Variants in KLF10 observed in about 807,000 individuals in gnomAD.
KLF10 encodes Krueppel-like factor 10.
KLF10 carries 17 observed loss-of-function variants against 31.6 expected under a neutral mutation model. The observed-to-expected ratio is 0.54, with a 90% CI of 0.37 to 0.81. The LOEUF (loss-of-function observed/expected upper bound fraction) is 0.81. Ranked by LOEUF, KLF10 falls within the 30% of genes least tolerant of loss-of-function variation. The pLI is 0.00. For missense variants in KLF10, 525 were observed against 598.1 expected, an observed-to-expected ratio of 0.88 and a Z score of 1.27; for synonymous variants, 239 against 215.1, an observed-to-expected ratio of 1.11 and a Z score of -0.97.
Position 102,652,314 on chromosome 8 carries a change from T to C in KLF10, c.120A>G (p.Glu40=). The stretch of plus-strand genomic sequence containing the variant: ...TCATTGACATAAGTGCTTCTACAGC[T>C]TCAAAATCACTTTTCTCTGCAGTTT... The part of the protein sequence containing the change: ...WNKTAEKSDF[E]AVEALMSMSC... The change falls in exon 2 of 4, where the codon GAA becomes GAG. Residue 40 remains glutamate (E), a synonymous_variant. Transcript: ENST00000285407. 1 of 1,613,018 alleles carries C rather than the reference T, an allele frequency of 6.2e-7. No individual in the cohort carries two copies. Among genetic ancestry groups the C allele is most frequent in the Non-Finnish European group, 8.5e-7 (1 of 1,179,238 alleles).
chr8:102,650,881 T>C (rs1827192234), intron 3 of KLF10, among the ~76,000 whole-genome samples: 1 of 152,214 alleles, frequency 6.6e-6, no homozygotes, highest in African/African-American at 2.4e-5. Context: ...TTTTAAATTA[T>C]TTGTAGAGAT....
At position 102,655,667 on chromosome 8, in the gene KLF10, A is replaced by G; in HGVS notation, c.-66T>C. 6.3e-7 allele frequency: 1 copy of G among 1,580,322 alleles called. No individual in the cohort carries two copies. The highest frequency in any genetic ancestry group is 8.6e-7 in the Non-Finnish European group (1 of 1,156,384). Reference sequence around the variant, plus strand: ...TAGGCTGCTGGCTGCTTGGCCACAGACGGGCGCACGGAGACACTCGACGCC... The same window carrying G: ...TAGGCTGCTGGCTGCTTGGCCACAGGCGGGCGCACGGAGACACTCGACGCC... On this transcript the variant is annotated 5_prime_UTR_variant, in exon 1 of 4. Coordinates refer to ENST00000285407, the MANE Select transcript of KLF10 (RefSeq NM_005655.4).
Position 102,655,717 on chromosome 8 carries a change from G to T in KLF10, c.-116C>A. ...CGCTCCCGCCGCCGCCGCGCTCAGC[G>T]CCGTCTGCCCCCTCCCCATTCAGGT... On this transcript the variant is annotated 5_prime_UTR_variant, in exon 1 of 4. Transcript: ENST00000285407. 8.2e-7 allele frequency: 1 copy of T among 1,224,840 alleles called. No homozygotes were observed. The highest frequency in any genetic ancestry group is 1.2e-6 in the Non-Finnish European group (1 of 853,118). The allele number at this position is 1,224,840 out of a possible 1,614,324, so 75.9% of individuals were successfully genotyped here.
rs745774507 is a variant in KLF10, at chr8:102,651,327, G to A, written c.1005C>T (p.Ser335=). The A allele has an allele frequency of 3.1e-6, 5 of 1,597,694 alleles. No homozygotes were observed. Among genetic ancestry groups the A allele is most frequent in the Admixed American group, 3.5e-5 (2 of 57,400 alleles). The change falls in exon 3 of 4, where the codon AGC becomes AGT. Residue 335 remains serine, a synonymous_variant. Coordinates refer to ENST00000285407, the MANE Select transcript of KLF10 (RefSeq NM_005655.4). ...TGGGAGAGAGTCTGGTGCCATTCGG[G>A]CTCACCACCGGAGGCTTTGAACTCT... The part of the protein sequence containing the change: ...VVQSSKPPVV[S]PNGTRLSPIA...
intron 1 of KLF10, among the ~76,000 whole-genome samples, chr8:102,654,751 G>A (rs1827319043): frequency 6.7e-6 from 1 of 149,042 alleles, no homozygotes; most frequent in Non-Finnish European, 1.5e-5. Context: ...CGGCCCCCGC[G>A]TCTCGCGGCC....
rs747364732 is a variant in KLF10 at position 102,649,385 on chromosome 8, A to G, written c.*747T>C. The stretch of plus-strand genomic sequence containing the variant: ...TATACAATTTTCAAATCTACACAAG[A>G]AACTGCAGGCAAACTAAAGTTCAAA... On this transcript the variant is annotated 3_prime_UTR_variant, in exon 4 of 4. Coordinates refer to ENST00000285407, the MANE Select transcript of KLF10 (RefSeq NM_005655.4). 6.6e-6 allele frequency: 1 copy of G among 152,382 alleles called. No individual in the cohort carries two copies. Among genetic ancestry groups the G allele is most frequent in the Non-Finnish European group, 1.5e-5 (1 of 68,032 alleles). The allele number at this position is 152,382 out of a possible 1,614,324, so 9.4% of individuals were successfully genotyped here.
At chr8:102,650,486 A>G in intron 3 of KLF10, 95 bp from the exon 4 acceptor site, 1 of 1,255,718 alleles carries the variant, frequency 8.0e-7, no homozygotes, top group Non-Finnish European at 1.1e-6. Context: ...ATACATTTTA[A>G]ATAATAAAAG....
At chr8:102,653,985 TG>T (rs2131083810) in intron 1 of KLF10, 3 of 984,218 alleles carry the variant, frequency 3.0e-6, no homozygotes, top group East Asian at 1.2e-4. Flanking sequence ...GGTGAGTCAC[TG>T]GGAACATTCC....
Position 102,651,454 on chromosome 8 carries a change from G to C in KLF10, c.878C>G (p.Thr293Ser). The C allele has an allele frequency of 6.2e-7, 1 of 1,614,040 alleles. No homozygotes were observed. The highest frequency in any genetic ancestry group is 8.5e-7 in the Non-Finnish European group (1 of 1,179,950). Residue 293 changes from threonine (T) to serine (S), a missense_variant, in exon 3 of 4, where the codon ACT (threonine) becomes AGT (serine). This residue lies in a region of KLF10 where 434 missense variants were observed against 450.7 expected (regional missense o/e 0.96). Coordinates refer to ENST00000285407, the MANE Select transcript of KLF10 (RefSeq NM_005655.4). ...AACGGCTGGTGGCTGGCTGGGAGGA[G>C]TGCTGGGAACGACTGTTGTCACAAC... is the stretch of plus-strand genomic sequence containing the variant. Reference protein sequence around the residue: ...NPVVTTVVPSTPPSQPPAVCP... With the variant: ...NPVVTTVVPSSPPSQPPAVCP...
chr8:102,655,015 G>A (rs1827329470), intron 1 of KLF10, among the ~76,000 whole-genome samples: 1 of 151,258 alleles, frequency 6.6e-6, no homozygotes, highest in African/African-American at 2.4e-5. Flanking sequence ...AGCAGCCCCC[G>A]TCTTCCAAGC....
In KLF10 at chr8:102,651,513, G is replaced by A. The variant is rs138978474; in HGVS notation, c.819C>T (p.Ile273=). 385 of 1,613,474 alleles carry A rather than the reference G, an allele frequency of 2.4e-4. 1 individual carries two copies. Among genetic ancestry groups the A allele is most frequent in the Non-Finnish European group, 8.0e-5 (94 of 1,179,564 alleles). Residue 273 remains isoleucine (I), a synonymous_variant, in exon 3 of 4, where the codon ATC becomes ATT. Coordinates refer to ENST00000285407, the MANE Select transcript of KLF10 (RefSeq NM_005655.4). ...TGGCAGGAAGGGGAACCATCTGGCA[G>A]ATGACCGGCATAGGTGGCACTCCCC... The part of the protein sequence containing the change: ...SAGGVPPMPV[I]CQMVPLPANN...
intron 3 of KLF10, among the ~76,000 whole-genome samples, chr8:102,650,619 AC>A (rs1170005555): frequency 6.6e-6 from 1 of 152,156 alleles, no homozygotes; most frequent in African/African-American, 2.4e-5. Context: ...AGTAGTAGGC[AC>A]CTGTAGTCCC....
rs6935 is a variant in KLF10 at position 102,649,114 on chromosome 8, G to T, written c.*1018C>A. On this transcript the variant is annotated 3_prime_UTR_variant, in exon 4 of 4. Transcript: ENST00000285407. ...AACTACCTCCACATCCCCAAAAAAC[G>T]CCTATAAATTAACAGGACAACATCA... 0.45 allele frequency: 67,415 copies of T among 149,092 alleles called. 15,302 individuals are homozygous for T. Among genetic ancestry groups the T allele is most frequent in the East Asian group, 0.58 (3,009 of 5,174 alleles). 9.2% of individuals were successfully genotyped at this position (149,092 alleles called of 1,614,324 possible).
At chr8:102,651,013 G>A in intron 3 of KLF10, 136 bp downstream of exon 3, 1 of 740,256 alleles carries the variant, frequency 1.4e-6, no homozygotes, top group Non-Finnish European at 2.1e-6. Flanking sequence ...CAGCCTTTTG[G>A]AGGACCTTGC....
rs367952341 is a variant in KLF10 at position 102,651,881 on chromosome 8, G to C, written c.451C>G (p.Gln151Glu). Residue 151 changes from glutamine (Q) to glutamate (E), a missense_variant, in exon 3 of 4, where the codon CAG becomes GAG. Around this residue, in one of 3 missense-constraint regions of KLF10, gnomAD observed 434 missense variants for 450.7 expected, o/e 0.96. Coordinates refer to ENST00000285407, the MANE Select transcript of KLF10 (RefSeq NM_005655.4). ...GTATGACGAATCACACTTGTTGCCT[G>C]AGCTTTGGGGAGTTTGGGGGCAGAT... ...PVSAPKLPKAQATSVIRHTAD... is the reference protein window; with the variant it reads ...PVSAPKLPKAEATSVIRHTAD... The C allele has an allele frequency of 1.2e-6, 2 of 1,614,062 alleles. No individual in the cohort carries two copies. The highest frequency in any genetic ancestry group is 2.7e-5 in the African/African-American group (2 of 74,912).
chr8:102,650,862 C>T (rs1395498032), intron 3 of KLF10, among the ~76,000 whole-genome samples: 3 of 152,206 alleles, frequency 2.0e-5, no homozygotes, highest in African/African-American at 4.8e-5. Context: ...AAAGTATTTA[C>T]ATACTTATTT....
At position 102,649,645 on chromosome 8, in the gene KLF10, A is replaced by T. The variant is rs999128646; in HGVS notation, c.*487T>A. ...TGACTGGAAAGACTAGGAATAATAA[A>T]GAAGATAACTCTAGAAAAAGATGAC... On this transcript the variant is annotated 3_prime_UTR_variant, in exon 4 of 4. Coordinates refer to ENST00000285407, the MANE Select transcript of KLF10 (RefSeq NM_005655.4). The T allele has an allele frequency of 1.2e-5, 2 of 162,044 alleles. No homozygotes were observed. The highest frequency in any genetic ancestry group is 2.4e-5 in the African/African-American group (1 of 41,550). 10.0% of individuals were successfully genotyped at this position (162,044 alleles called of 1,614,324 possible).
Position 102,650,004 on chromosome 8 carries a change from G to T in KLF10, c.*128C>A. ...CACCTAACCCAGGCGGGGCCTTCGT[G>T]CCAGGCTGTGGGGCTTCTGCTTTAA... On this transcript the variant is annotated 3_prime_UTR_variant, in exon 4 of 4. Transcript: ENST00000285407. 7.9e-7 allele frequency: 1 copy of T among 1,267,304 alleles called. No homozygotes were observed. The highest frequency in any genetic ancestry group is 1.1e-6 in the Non-Finnish European group (1 of 929,724). 78.5% of individuals were successfully genotyped at this position (1,267,304 alleles called of 1,614,324 possible).
In KLF10 at chr8:102,649,847, T is replaced by C. The variant is rs1827163319; in HGVS notation, c.*285A>G. The C allele has an allele frequency of 2.3e-6, 1 of 443,270 alleles. No homozygotes were observed. Among genetic ancestry groups the C allele is most frequent in the South Asian group, 3.3e-5 (1 of 30,292 alleles). 27.5% of individuals were successfully genotyped at this position (443,270 alleles called of 1,614,324 possible). ...AATATGCACACAGATTCAAAATCTG[T>C]GCTACCTGTGTTGACCTCATCTGAA... On this transcript the variant is annotated 3_prime_UTR_variant, in exon 4 of 4. Coordinates refer to ENST00000285407, the MANE Select transcript of KLF10 (RefSeq NM_005655.4).
Sources: allele counts gnomAD v4.1 joint callset (sites outside exome capture counted in the v4.1 genomes callset), GRCh38; gene constraint gnomAD v4.1.1; regional missense constraint gnomAD v4.1.1; transcripts MANE v1.5; gene names NCBI Gene and HGNC (gene_info 2026-07-23, HGNC 2026-07-21).